ATP8B4: variants seen among roughly 807,000 people sequenced by gnomAD.
The protein encoded by ATP8B4 is ATPase phospholipid transporting 8B4 (putative), also known as probable phospholipid-transporting ATPase IM.
Under a neutral mutation model 145.6 loss-of-function variants are expected in ATP8B4, and 133 were observed. That is an observed-to-expected ratio of 0.91 (90% CI 0.79 to 1.05). The LOEUF (loss-of-function observed/expected upper bound fraction) is 1.05. ATP8B4 is among the 50% of genes least tolerant of loss of function. ATP8B4 has a pLI of 0.00. For missense variants in ATP8B4, 1,458 were observed against 1,425.2 expected (o/e 1.02, Z -0.37); for synonymous variants, 507 against 492.9 (o/e 1.03, Z -0.38).
rs1460054934 is a variant in ATP8B4 at position 49,887,750 on chromosome 15, G to A, written c.2698-8291C>T. Among the ~76,000 whole-genome samples, 3 of 151,760 alleles carry A rather than the reference G, an allele frequency of 2.0e-5. No individual in the cohort carries two copies. The East Asian group carries it at 5.8e-4, about 29-fold the overall frequency. ...AAAGCTCCTCGCTCCCTTCTTTATG[G>A]GAGCAATTTATCAGCCTTATCAACC... On this transcript the variant is annotated intron_variant, in intron 23 of 27. Coordinates refer to ENST00000284509, the MANE Select transcript of ATP8B4 (RefSeq NM_024837.4).
chr15:50,081,697 A>G (rs1242642452), intron 2 of ATP8B4, among the ~76,000 whole-genome samples: 2 of 152,268 alleles, frequency 1.3e-5, no homozygotes, highest in African/African-American at 4.8e-5. Flanking sequence ...AGGTCTGCTA[A>G]TAAGAGCAAG....
intron 9 of ATP8B4, among the ~76,000 whole-genome samples, chr15:49,992,299 T>C (rs978306394): frequency 3.3e-5 from 5 of 152,182 alleles, no homozygotes; most frequent in Non-Finnish European, 7.4e-5. Flanking sequence ...TCTTTAGGGA[T>C]GAGCCCTTGT....
intron 1 of ATP8B4, among the ~76,000 whole-genome samples, chr15:50,138,393 C>T (rs59003983): frequency 9.7e-6 from 1 of 103,250 alleles, no homozygotes; most frequent in African/African-American, 5.9e-5. Context: ...GATAGACAGA[C>T]AGACAGACAG....
intron 9 of ATP8B4, among the ~76,000 whole-genome samples, chr15:49,990,063 G>C (rs1192768153): frequency 2.0e-5 from 3 of 152,110 alleles, no homozygotes; most frequent in Admixed American, 6.6e-5. Flanking sequence ...AGTAATAAAG[G>C]ACTAGAAAAT....
chr15:49,998,321 T>G (rs1387001733), intron 8 of ATP8B4, among the ~76,000 whole-genome samples: 1 of 152,190 alleles, frequency 6.6e-6, no homozygotes, highest in African/African-American at 2.4e-5. Flanking sequence ...CCACACTGAC[T>G]TCCACAAGGG....
intron 3 of ATP8B4, among the ~76,000 whole-genome samples, chr15:50,064,513 G>A (rs896456121): frequency 3.3e-5 from 5 of 151,976 alleles, no homozygotes; most frequent in South Asian, 2.1e-4. Context: ...CACTACCTCC[G>A]TGCACACAGT....
intron 2 of ATP8B4, among the ~76,000 whole-genome samples, chr15:50,080,051 T>C (rs1817924599): frequency 6.6e-6 from 1 of 152,140 alleles, no homozygotes; most frequent in Non-Finnish European, 1.5e-5. Flanking sequence ...GAGGCAGAAA[T>C]CTCTTAGACA....
At position 49,981,258 on chromosome 15, in the gene ATP8B4, G is replaced by T. The variant is rs1414625315; in HGVS notation, c.785C>A (p.Thr262Lys). 1 of 1,609,986 alleles carries T rather than the reference G, an allele frequency of 6.2e-7. No individual in the cohort carries two copies. Among genetic ancestry groups the T allele is most frequent in the Admixed American group, 1.7e-5 (1 of 59,894 alleles). The part of the protein sequence containing the change: ...DTKLMQNSGK[T>K]KFKRTSIDRL... ...ATCAATGCTTGTCCTTTTAAACTTT[G>T]TCTTACCACTATTCTGCATTAGTTT... Residue 262 changes from threonine to lysine, a missense_variant, in exon 11 of 28, where the codon ACA (threonine) becomes AAA (lysine). Transcript: ENST00000284509.
upstream of ATP8B4, among the ~76,000 whole-genome samples, chr15:50,119,751 ACTTTT>A (rs2057245563): frequency 1.4e-5 from 1 of 71,098 alleles, no homozygotes; most frequent in Non-Finnish European, 3.1e-5. Flanking sequence ...GGTTTTTGTC[ACTTTT>A]TTTTTTTTTT....
At chr15:50,156,214 T>C (rs1047357114) in intron 1 of ATP8B4, among the ~76,000 whole-genome samples, 2 of 149,336 alleles carry the variant, frequency 1.3e-5, no homozygotes, top group African/African-American at 2.4e-5. Flanking sequence ...GTTTTTGTTT[T>C]GTTTTGTTGC....
At chr15:50,144,754 T>TG (rs2044255340) in intron 1 of ATP8B4, among the ~76,000 whole-genome samples, 1 of 152,018 alleles carries the variant, frequency 6.6e-6, no homozygotes, top group Admixed American at 6.6e-5. Context: ...TACCCTTGTT[T>TG]TTTTTTTTAC....
At chr15:50,083,805 T>C (rs2054715830) in intron 2 of ATP8B4, among the ~76,000 whole-genome samples, 1 of 152,192 alleles carries the variant, frequency 6.6e-6, no homozygotes, top group African/African-American at 2.4e-5. Context: ...GGGAAAGTGA[T>C]TTATCCCAAA....
At chr15:49,902,291 C>T (rs1449832071) in intron 20 of ATP8B4, 1 of 152,158 alleles carries the variant, frequency 6.6e-6, no homozygotes, top group African/African-American at 2.4e-5. Flanking sequence ...AATTACTCAT[C>T]CTGTGTAGAA....
intron 2 of ATP8B4, among the ~76,000 whole-genome samples, chr15:50,104,368 A>C (rs1448528983): frequency 6.6e-6 from 1 of 152,174 alleles, no homozygotes; most frequent in East Asian, 1.9e-4. Flanking sequence ...CAAGGAACTC[A>C]AACAAATCAG....
intron 2 of ATP8B4, among the ~76,000 whole-genome samples, chr15:50,080,730 GC>G (rs1408079833): frequency 2.0e-5 from 3 of 151,980 alleles, no homozygotes; most frequent in Non-Finnish European, 4.4e-5. Context: ...ACCATGTCTG[GC>G]CCCCTGCTAG....
At chr15:50,077,227 A>G (rs986150251) in intron 2 of ATP8B4, among the ~76,000 whole-genome samples, 1 of 152,240 alleles carries the variant, frequency 6.6e-6, no homozygotes, top group African/African-American at 2.4e-5. Context: ...GTAAGCCAGC[A>G]TGTTTAAAGT....
At chr15:50,014,913 A>G (rs996501179) in intron 6 of ATP8B4, among the ~76,000 whole-genome samples, 1 of 152,204 alleles carries the variant, frequency 6.6e-6, no homozygotes, top group Middle Eastern at 3.2e-3. Flanking sequence ...CTGATCCTAC[A>G]GGTACTCAAA....
At chr15:49,990,867 A>G (rs2153547262) in intron 9 of ATP8B4, among the ~76,000 whole-genome samples, 1 of 152,236 alleles carries the variant, frequency 6.6e-6, no homozygotes, top group East Asian at 1.9e-4. Flanking sequence ...TTCTCTAGCC[A>G]AGAGTTTTTT....
At chr15:49,876,200 G>A (rs2034392732) in intron 25 of ATP8B4, 78 bp downstream of exon 25, 5 of 1,529,464 alleles carry the variant, frequency 3.3e-6, no homozygotes, top group Non-Finnish European at 4.4e-6. Flanking sequence ...CCCCCAACAA[G>A]TAGACAAAAT....
Sources: gnomAD v4.1 joint callset for allele counts (sites outside exome capture counted in the v4.1 genomes callset) on GRCh38, gnomAD v4.1.1 for gene constraint, MANE v1.5 for transcripts, NCBI Gene and HGNC (gene_info 2026-07-23, HGNC 2026-07-21) for gene names.